EDIL3: variants seen among roughly 807,000 people sequenced by gnomAD.
EDIL3 encodes EGF like and discoidin domains 3, also known as EGF-like repeat and discoidin I-like domain-containing protein 3.
In EDIL3, 37 loss-of-function variants were observed where a neutral mutation model predicts 67.4. The observed-to-expected ratio is 0.55, with a 90% confidence interval of 0.42 to 0.72. The LOEUF is 0.72. EDIL3 is among the 30% of genes least tolerant of loss of function. The probability of loss-of-function intolerance (pLI) is 0.00; values close to 1 mark genes in which losing one functional copy is unlikely to be tolerated. For synonymous variants in EDIL3, 195 were observed against 196.3 expected (o/e 0.99, Z 0.05); for missense variants, 527 against 586.3 (o/e 0.90, Z 1.04).
chr5:84,179,500 C>T (rs1748978326), intron 4 of EDIL3, among the ~76,000 whole-genome samples: 1 of 152,198 alleles, frequency 6.6e-6, no homozygotes, highest in Admixed American at 6.5e-5. Flanking sequence ...GTCACAGAGC[C>T]TGAAGGCACT....
chr5:84,303,850 T>TGTGTGTGTGTGTTTG (rs34555925), intron 1 of EDIL3, among the ~76,000 whole-genome samples: 2 of 99,180 alleles, frequency 2.0e-5, no homozygotes, highest in African/African-American at 7.8e-5. Flanking sequence ...GTGTGTGTGT[T>TGTGTGTGTGTGTTTG]TGTGTGTGTG....
intron 9 of EDIL3, among the ~76,000 whole-genome samples, chr5:83,981,151 T>A (rs1049887385): frequency 6.6e-6 from 1 of 152,046 alleles, no homozygotes; most frequent in African/African-American, 2.4e-5. Flanking sequence ...CTGAAATTCA[T>A]ATGGAAATTC....
At chr5:84,252,441 C>G (rs958088688) in intron 2 of EDIL3, among the ~76,000 whole-genome samples, 2 of 134,556 alleles carry the variant, frequency 1.5e-5, no homozygotes, top group Non-Finnish European at 3.0e-5. Flanking sequence ...TTGCAGCGAG[C>G]TGAGATCGTG....
At position 84,005,298 on chromosome 5, in the gene EDIL3, A is replaced by G. The variant is rs572315270; in HGVS notation, c.1138-41938T>C. Among the ~76,000 whole-genome samples, 9 of 152,280 alleles carry G rather than the reference A, an allele frequency of 5.9e-5. No homozygotes were observed. The East Asian group carries it at 1.7e-3, about 29-fold the overall frequency. ...CCACTGATATTATTCCAAAAAATCA[A>G]GAAGGAGGGACTCCTATCTAATTCT... is the stretch of plus-strand genomic sequence containing the variant. On this transcript the variant is annotated intron_variant, in intron 9 of 10. Transcript: ENST00000296591.
intron 1 of EDIL3, among the ~76,000 whole-genome samples, chr5:84,352,129 A>T (rs968138495): frequency 3.9e-5 from 6 of 152,134 alleles, no homozygotes; most frequent in African/African-American, 1.4e-4. Flanking sequence ...TAAAAAAATT[A>T]AAAAAACAAC....
chr5:84,290,627 T>G (rs990258672), intron 1 of EDIL3, among the ~76,000 whole-genome samples: 2 of 152,218 alleles, frequency 1.3e-5, no homozygotes, highest in Non-Finnish European at 1.5e-5. Flanking sequence ...AAAGTATCTG[T>G]ACCAACAGAT....
At chr5:84,036,046 C>T (rs1483782049) in intron 9 of EDIL3, among the ~76,000 whole-genome samples, 1 of 152,132 alleles carries the variant, frequency 6.6e-6, no homozygotes, top group African/African-American at 2.4e-5. Context: ...ATATTGCAAA[C>T]GTGCAAGTTT....
intron 1 of EDIL3, among the ~76,000 whole-genome samples, chr5:84,294,925 T>C (rs1372718275): frequency 6.6e-6 from 1 of 152,140 alleles, no homozygotes; most frequent in Non-Finnish European, 1.5e-5. Flanking sequence ...CTTGAAACAA[T>C]AGCAAAATTG....
chr5:83,944,255 T>G (rs1331479633), intron 10 of EDIL3, among the ~76,000 whole-genome samples: 4 of 151,896 alleles, frequency 2.6e-5, no homozygotes, highest in Non-Finnish European at 5.9e-5. Flanking sequence ...ATCAATGCTG[T>G]TTTTGAACTG....
chr5:83,958,781 C>T (rs1052474411), intron 10 of EDIL3, among the ~76,000 whole-genome samples: 2 of 151,238 alleles, frequency 1.3e-5, no homozygotes, highest in African/African-American at 4.8e-5. Flanking sequence ...TGCAGTTTTC[C>T]TGCTAAATGC....
intron 9 of EDIL3, among the ~76,000 whole-genome samples, chr5:83,982,605 G>A (rs1267988982): frequency 6.6e-6 from 1 of 152,082 alleles, no homozygotes; most frequent in African/African-American, 2.4e-5. Flanking sequence ...TCTCTTTGTA[G>A]TAGAGTTGAC....
chr5:84,002,821 C>T (rs558009596), intron 9 of EDIL3, among the ~76,000 whole-genome samples: 1 of 152,292 alleles, frequency 6.6e-6, no homozygotes, highest in Admixed American at 6.5e-5. Context: ...TGGTTATTTG[C>T]ACCTCTAGTA....
At chr5:84,144,591 T>C (rs1291987606) in intron 4 of EDIL3, among the ~76,000 whole-genome samples, 1 of 152,020 alleles carries the variant, frequency 6.6e-6, no homozygotes, top group African/African-American at 2.4e-5. Flanking sequence ...TTACATGGAG[T>C]TATAAATAGT....
intron 4 of EDIL3, among the ~76,000 whole-genome samples, chr5:84,137,990 T>C (rs1196328070): frequency 6.6e-6 from 1 of 152,208 alleles, no homozygotes; most frequent in Non-Finnish European, 1.5e-5. Flanking sequence ...TGATGCAAAA[T>C]CACATGAAAC....
chr5:84,069,263 T>C (rs1446158511), intron 6 of EDIL3, among the ~76,000 whole-genome samples: 2 of 152,178 alleles, frequency 1.3e-5, no homozygotes, highest in African/African-American at 2.4e-5. Flanking sequence ...GAACAAATGG[T>C]AGCCTCCTAC....
At chr5:84,252,877 A>G (rs1005907806) in intron 2 of EDIL3, among the ~76,000 whole-genome samples, 4 of 152,214 alleles carry the variant, frequency 2.6e-5, no homozygotes, top group African/African-American at 9.7e-5. Context: ...GAGTTAATAA[A>G]AGCATTAAAA....
chr5:84,042,125 T>G (rs2112214807), intron 9 of EDIL3, among the ~76,000 whole-genome samples: 1 of 152,294 alleles, frequency 6.6e-6, no homozygotes, highest in Non-Finnish European at 1.5e-5. Flanking sequence ...TGTTCCATAT[T>G]TTATTTTAAA....
At chr5:84,118,283 A>G (rs1346282517) in intron 5 of EDIL3, among the ~76,000 whole-genome samples, 1 of 152,150 alleles carries the variant, frequency 6.6e-6, no homozygotes, top group African/African-American at 2.4e-5. Flanking sequence ...TAGTGCCTTC[A>G]TATTTTGAAA....
intron 9 of EDIL3, among the ~76,000 whole-genome samples, chr5:84,009,057 C>T (rs1026744487): frequency 2.6e-5 from 4 of 152,194 alleles, no homozygotes; most frequent in African/African-American, 9.7e-5. Context: ...AGTGATCTGC[C>T]TGCCTCAGCC....
Sources: allele counts gnomAD v4.1 joint callset (sites outside exome capture counted in the v4.1 genomes callset), GRCh38; gene constraint gnomAD v4.1.1; transcripts MANE v1.5; gene names NCBI Gene and HGNC (gene_info 2026-07-23, HGNC 2026-07-21).